GRM5: variants seen among roughly 807,000 people sequenced by gnomAD.
GRM5 encodes the protein glutamate metabotropic receptor 5.
GRM5 carries 19 observed loss-of-function variants against 83.1 expected under a neutral mutation model. The ratio of observed to expected loss-of-function variants is 0.23; its 90% CI spans 0.16 to 0.34. The LOEUF (loss-of-function observed/expected upper bound fraction) is 0.34, where lower values mean the gene tolerates loss of function less well. GRM5 is among the 10% of genes least tolerant of loss of function. The pLI is 1.00. For missense variants in GRM5, 1,160 were observed against 1,588.3 expected (o/e 0.73, Z 4.58); for synonymous variants, 675 against 633.6 (o/e 1.07, Z -0.98).
At chr11:88,639,921 A>T (rs1045514676) in intron 4 of GRM5, among the ~76,000 whole-genome samples, 1 of 152,160 alleles carries the variant, frequency 6.6e-6, no homozygotes, top group Admixed American at 6.5e-5. Flanking sequence ...TTGACAGTGG[A>T]TATTCATCAT....
At chr11:88,916,705 C>G (rs1347665742) in intron 2 of GRM5, among the ~76,000 whole-genome samples, 6 of 151,760 alleles carry the variant, frequency 4.0e-5, no homozygotes, top group Non-Finnish European at 8.8e-5. Flanking sequence ...AGTGTCATCC[C>G]TCCCCCAACT....
At chr11:88,669,492 A>G (rs1020511001) in intron 3 of GRM5, among the ~76,000 whole-genome samples, 10 of 152,102 alleles carry the variant, frequency 6.6e-5, no homozygotes, top group African/African-American at 2.2e-4. Flanking sequence ...AAAGAAAAGA[A>G]ATAAAAAGGA....
rs905145985 is a variant in GRM5, at chr11:88,735,543, G to T, written c.912-82140C>A. 3.9e-5 allele frequency among the ~76,000 whole-genome samples: 6 copies of T among 152,038 alleles called. 1 individual carries two copies. Among genetic ancestry groups the T allele is most frequent in the African/African-American group, 1.4e-4 (6 of 41,492 alleles). On this transcript the variant is annotated intron_variant, in intron 3 of 9. Transcript: ENST00000305447. ...CCAAGGAAATCCTGGAAGTAGGTTG[G>T]GGCTTCCTTCCCACTGACTGGTAAA...
chr11:88,653,453 A>G (rs946890873), intron 3 of GRM5, 50 bp from the exon 4 acceptor site: 1 of 1,221,802 alleles, frequency 8.2e-7, no homozygotes, highest in African/African-American at 1.5e-5. Context: ...TCTCCTAAGC[A>G]AATGAGTCCA....
At chr11:88,800,982 A>G (rs745490153) in intron 3 of GRM5, among the ~76,000 whole-genome samples, 1 of 152,166 alleles carries the variant, frequency 6.6e-6, no homozygotes, top group Non-Finnish European at 1.5e-5. Context: ...ATAGTAAAAT[A>G]AAATATATAG....
intron 3 of GRM5, among the ~76,000 whole-genome samples, chr11:88,657,051 T>C (rs1203798965): frequency 1.3e-5 from 2 of 152,036 alleles, no homozygotes; most frequent in Non-Finnish European, 2.9e-5. Flanking sequence ...GTTAAATAAG[T>C]TGCATGAATA....
intron 3 of GRM5, among the ~76,000 whole-genome samples, chr11:88,663,935 TC>T (rs1249796301): frequency 2.0e-5 from 3 of 152,180 alleles, no homozygotes; most frequent in African/African-American, 7.2e-5. Context: ...TTGTTTTATT[TC>T]TTTTTATATC....
intron 3 of GRM5, among the ~76,000 whole-genome samples, chr11:88,742,403 A>C (rs918476284): frequency 2.6e-5 from 4 of 152,112 alleles, no homozygotes; most frequent in African/African-American, 9.7e-5. Context: ...GAAACTTAAG[A>C]CGGTAGGAAA....
intron 2 of GRM5, among the ~76,000 whole-genome samples, chr11:88,983,348 G>T (rs1013034788): frequency 2.0e-5 from 3 of 152,152 alleles, no homozygotes; most frequent in African/African-American, 4.8e-5. Context: ...GAGTTCATGT[G>T]CATAGTAACT....
chr11:88,966,047 T>C (rs1393917720), intron 2 of GRM5, among the ~76,000 whole-genome samples: 1 of 152,114 alleles, frequency 6.6e-6, no homozygotes, highest in Non-Finnish European at 1.5e-5. Flanking sequence ...TCATACAAAG[T>C]ATATTAGACC....
At chr11:88,956,675 G>T (rs560570582) in intron 2 of GRM5, among the ~76,000 whole-genome samples, 1 of 152,096 alleles carries the variant, frequency 6.6e-6, no homozygotes, top group African/African-American at 2.4e-5. Context: ...GCGCGGTGGC[G>T]GGGGCCTGTA....
At chr11:88,525,128 T>C (rs1473536354) in intron 9 of GRM5, among the ~76,000 whole-genome samples, 181 bp downstream of exon 9, 1 of 152,158 alleles carries the variant, frequency 6.6e-6, no homozygotes, top group African/African-American at 2.4e-5. Flanking sequence ...CTCCCATTAC[T>C]ACACATGAGG....
At chr11:88,749,542 TC>T (rs1362432648) in intron 3 of GRM5, among the ~76,000 whole-genome samples, 2 of 152,046 alleles carry the variant, frequency 1.3e-5, no homozygotes, top group African/African-American at 2.4e-5. Flanking sequence ...CATGAGAACT[TC>T]CCCAACCTAG....
intron 2 of GRM5, among the ~76,000 whole-genome samples, chr11:89,046,199 C>A (rs1290276504): frequency 2.6e-5 from 4 of 152,114 alleles, no homozygotes; most frequent in Non-Finnish European, 4.4e-5. Flanking sequence ...AAATATATTC[C>A]TAACCTCTGA....
Position 88,507,083 on chromosome 11 carries a change from G to A in GRM5, c.*1509C>T, listed in dbSNP as rs1024322573. ...GCTGCAATGGGAGGAAGAAAGAGATGACAGTGGATTCAGGTCTTGAACTAT... is the reference window on the plus strand; with the variant it reads ...GCTGCAATGGGAGGAAGAAAGAGATAACAGTGGATTCAGGTCTTGAACTAT... On this transcript the variant is annotated 3_prime_UTR_variant, in exon 10 of 10. Transcript: ENST00000305447. 2.6e-5 allele frequency: 4 copies of A among 152,098 alleles called. No homozygotes were observed. Among genetic ancestry groups the A allele is most frequent in the African/African-American group, 9.7e-5 (4 of 41,378 alleles). 9.4% of individuals were successfully genotyped at this position (152,098 alleles called of 1,614,324 possible). A position where few individuals can be genotyped will look rare whatever the true frequency, so the allele number is the denominator to read the frequency against.
At chr11:88,622,713 A>C (rs1938673611) in intron 4 of GRM5, among the ~76,000 whole-genome samples, 1 of 152,194 alleles carries the variant, frequency 6.6e-6, no homozygotes, top group African/African-American at 2.4e-5. Context: ...ACTGTGTGCC[A>C]GGGTGTTCTA....
chr11:88,883,866 G>A (rs1945000745), intron 2 of GRM5, among the ~76,000 whole-genome samples: 1 of 152,168 alleles, frequency 6.6e-6, no homozygotes, highest in Non-Finnish European at 1.5e-5. Context: ...GTGCACAGAA[G>A]TCAAGAATTG....
chr11:88,709,760 G>A (rs1045793273), intron 3 of GRM5, among the ~76,000 whole-genome samples: 22 of 152,088 alleles, frequency 1.4e-4, no homozygotes, highest in Admixed American at 1.3e-4. Flanking sequence ...ATGTGCCCTG[G>A]GGGCAAATTT....
At chr11:88,602,888 A>AT (rs909684635) in intron 5 of GRM5, among the ~76,000 whole-genome samples, 10 of 152,106 alleles carry the variant, frequency 6.6e-5, no homozygotes, top group East Asian at 1.9e-4. Flanking sequence ...GCTAGTTATA[A>AT]TTTTTTTTGT....
Sources: allele counts gnomAD v4.1 joint callset (sites outside exome capture counted in the v4.1 genomes callset), GRCh38; gene constraint gnomAD v4.1.1; transcripts MANE v1.5; gene names NCBI Gene and HGNC (gene_info 2026-07-23, HGNC 2026-07-21).